DAB1: variants seen among roughly 807,000 people sequenced by gnomAD.
DAB1 encodes the protein disabled homolog 1.
In DAB1, 15 loss-of-function variants were observed where a neutral mutation model predicts 64.6. The ratio of observed to expected loss-of-function variants is 0.23; its 90% CI spans 0.16 to 0.36. The LOEUF is 0.36. DAB1 is among the 10% of genes least tolerant of loss of function. DAB1 has a pLI of 1.00. For missense variants in DAB1, 596 were observed against 706.7 expected, an observed-to-expected ratio of 0.84 and a Z score of 1.78; for synonymous variants, 235 against 251.9, an observed-to-expected ratio of 0.93 and a Z score of 0.64.
At chr1:57,714,187 C>A (rs1263845256) in intron 6 of DAB1, among the ~76,000 whole-genome samples, 1 of 152,180 alleles carries the variant, frequency 6.6e-6, no homozygotes, top group African/African-American at 2.4e-5. Context: ...CACGTTACCT[C>A]ATTTAATTCT....
intron 1 of DAB1, among the ~76,000 whole-genome samples, chr1:57,301,896 C>G (rs1673693712): frequency 6.6e-6 from 1 of 152,092 alleles, no homozygotes; most frequent in Non-Finnish European, 1.5e-5. Flanking sequence ...ACTCGAGGTC[C>G]CTTCTAATAG....
At chr1:58,272,795 G>T (rs1661338888) in intron 4 of DAB1, among the ~76,000 whole-genome samples, 1 of 151,494 alleles carries the variant, frequency 6.6e-6, no homozygotes, top group Non-Finnish European at 1.5e-5. Flanking sequence ...ATCTTTGTTG[G>T]TTTAAAGTCT....
chr1:57,848,405 T>C (rs1356156805), intron 1 of DAB1, among the ~76,000 whole-genome samples: 2 of 152,242 alleles, frequency 1.3e-5, no homozygotes, highest in Non-Finnish European at 2.9e-5. Context: ...TTATCCTTTA[T>C]TTAAAGAATT....
At chr1:57,822,008 A>T (rs1652143485), downstream of DAB1, among the ~76,000 whole-genome samples, 1 of 152,170 alleles carries the variant, frequency 6.6e-6, no homozygotes, top group African/African-American at 2.4e-5. Flanking sequence ...GCTATATCTC[A>T]TCTCCGTCCC....
intron 5 of DAB1, among the ~76,000 whole-genome samples, chr1:57,945,628 T>C (rs1380123629): frequency 6.6e-6 from 1 of 152,090 alleles, no homozygotes; most frequent in Non-Finnish European, 1.5e-5. Context: ...TGATAATCTT[T>C]CACTCTCAGG....
In DAB1 at chr1:57,015,097, C is replaced by A. The variant is rs766791551; in HGVS notation, c.1230G>T (p.Met410Ile). 4 of 1,614,162 alleles carry A rather than the reference C, an allele frequency of 2.5e-6. No individual in the cohort carries two copies. The South Asian group carries it at 3.3e-5, about 13-fold the overall frequency. The change falls in exon 12 of 15, where the codon ATG becomes ATT. Residue 410 changes from methionine to isoleucine, a missense_variant. Around this residue, in one of 3 missense-constraint regions of DAB1, gnomAD observed 377 missense variants for 400.4 expected, o/e 0.94. Transcript: ENST00000371236. Reference protein sequence around the residue: ...SPQTDKPRQKMGKETFKDFQM... With the variant: ...SPQTDKPRQKIGKETFKDFQM... The stretch of plus-strand genomic sequence containing the variant: ...GGAAATCCTTAAACGTTTCTTTGCC[C>A]ATTTTCTGCCTGGGCTTGTCGGTCT...
chr1:58,007,719 G>A (rs571284150), intron 5 of DAB1, among the ~76,000 whole-genome samples: 1 of 152,280 alleles, frequency 6.6e-6, no homozygotes, highest in East Asian at 1.9e-4. Flanking sequence ...AAGCAGTGAT[G>A]ATAAATAACT....
chr1:58,130,678 G>T (rs1653492298), intron 5 of DAB1, among the ~76,000 whole-genome samples: 1 of 151,720 alleles, frequency 6.6e-6, no homozygotes, highest in African/African-American at 2.4e-5. Context: ...CTCAGCATTT[G>T]CTTGTCTGTA....
intron 5 of DAB1, among the ~76,000 whole-genome samples, chr1:58,026,509 A>G (rs1274951168): frequency 6.6e-6 from 1 of 152,212 alleles, no homozygotes. Context: ...TGCATCATAT[A>G]AACTATTGAA....
At chr1:57,628,525 T>C in intron 7 of DAB1, among the ~76,000 whole-genome samples, 1 of 152,164 alleles carries the variant, frequency 6.6e-6, no homozygotes, top group East Asian at 1.9e-4. Flanking sequence ...TACTAGACCC[T>C]GAAAATACTT....
chr1:57,455,948 C>A (rs529726173), intron 7 of DAB1, among the ~76,000 whole-genome samples: 2 of 152,252 alleles, frequency 1.3e-5, no homozygotes, highest in East Asian at 3.9e-4. Context: ...TTAAAAATTT[C>A]TTTGAAATTA....
In DAB1 at chr1:57,616,268, C is replaced by G. The variant is rs1033692837; in HGVS notation, n.625+33324G>C. On this transcript the variant is annotated intron_variant and non_coding_transcript_variant, in intron 7 of 20. Transcript: ENST00000485760. ...CCTGAGAAGACTCTATCTCACTGTT[C>G]AGATCTCAGCTCAGATGTTACCTTC... Among the ~76,000 whole-genome samples the G allele has an allele frequency of 5.9e-5, 9 of 152,216 alleles. No homozygotes were observed. The East Asian group carries it at 1.7e-3, about 29-fold the overall frequency.
At chr1:57,254,277 T>C (rs1669591002) in intron 2 of DAB1, among the ~76,000 whole-genome samples, 1 of 152,214 alleles carries the variant, frequency 6.6e-6, no homozygotes, top group African/African-American at 2.4e-5. Context: ...AGCTTCTGCA[T>C]TGAGTAATTA....
chr1:58,506,304 T>C (rs1283625499), intron 2 of DAB1: 1 of 660,798 alleles, frequency 1.5e-6, no homozygotes, highest in African/African-American at 1.8e-5. Context: ...ATTATAATTA[T>C]ACTTTAAGTT....
intron 11 of DAB1, among the ~76,000 whole-genome samples, chr1:57,016,017 T>A (rs1346309555): frequency 6.6e-6 from 1 of 152,208 alleles, no homozygotes; most frequent in African/African-American, 2.4e-5. Context: ...TAGGGCTCCA[T>A]GACTTTATTT....
intron 7 of DAB1, among the ~76,000 whole-genome samples, chr1:57,619,043 G>C (rs12090770): frequency 0.022 from 3,417 of 152,310 alleles, 49 homozygotes; most frequent in Middle Eastern, 0.034. Flanking sequence ...AGTATGTTAC[G>C]TAGGTGTTTC....
intron 4 of DAB1, among the ~76,000 whole-genome samples, chr1:58,176,246 T>A (rs960750729): frequency 2.6e-5 from 4 of 152,192 alleles, no homozygotes; most frequent in African/African-American, 7.2e-5. Context: ...ACTATATGCA[T>A]GTAAAAAACA....
intron 5 of DAB1, among the ~76,000 whole-genome samples, chr1:58,138,326 A>G (rs1654064067): frequency 6.6e-6 from 1 of 152,230 alleles, no homozygotes; most frequent in Non-Finnish European, 1.5e-5. Flanking sequence ...CACTAGAATA[A>G]GCTGACTCCC....
intron 2 of DAB1, among the ~76,000 whole-genome samples, chr1:57,212,914 A>G (rs1666139563): frequency 6.6e-6 from 1 of 152,216 alleles, no homozygotes; most frequent in Admixed American, 6.5e-5. Context: ...TGTAAGGTAC[A>G]GAAAAGGCAA....
Sources: allele counts gnomAD v4.1 joint callset (sites outside exome capture counted in the v4.1 genomes callset), GRCh38; gene constraint gnomAD v4.1.1; regional missense constraint gnomAD v4.1.1; transcripts MANE v1.5; gene names NCBI Gene and HGNC (gene_info 2026-07-23, HGNC 2026-07-21).